The following GRIA1 variants were observed in gnomAD, a reference collection of about 807,000 sequenced individuals.
The protein encoded by GRIA1 is glutamate ionotropic receptor AMPA type subunit 1.
Under a neutral mutation model 99.2 loss-of-function variants are expected in GRIA1, and 31 were observed. That is an observed-to-expected ratio of 0.31 (90% CI 0.23 to 0.42). The LOEUF (loss-of-function observed/expected upper bound fraction) is 0.42, where lower values mean the gene tolerates loss of function less well. Ranked by LOEUF, GRIA1 falls within the 10% of genes least tolerant of loss-of-function variation. The probability of loss-of-function intolerance (pLI) is 1.00; values close to 1 mark genes in which losing one functional copy is unlikely to be tolerated. For missense variants in GRIA1, 782 were observed against 1,157.5 expected (o/e 0.68, Z 4.71); for synonymous variants, 438 against 432.4 (o/e 1.01, Z -0.16).
chr5:153,750,893 C>T (rs141433690), intron 11 of GRIA1, among the ~76,000 whole-genome samples: 71 of 152,098 alleles, frequency 4.7e-4, no homozygotes, highest in Non-Finnish European at 8.7e-4. Flanking sequence ...GTCAGGAGAT[C>T]GAGACCATCC....
chr5:153,811,261 G>A lies in GRIA1; in HGVS notation c.*36G>A, dbSNP rs764830425. ...TGGAGACCCCTTGGGGAGCAGGCTC[G>A]GGCTCCCCAGCCCCATCCCAAACCC... On this transcript the variant is annotated 3_prime_UTR_variant, in exon 16 of 16. Coordinates refer to ENST00000285900, the MANE Select transcript of GRIA1 (RefSeq NM_000827.4). 3 of 1,519,946 alleles carry A rather than the reference G, an allele frequency of 2.0e-6. No homozygotes were observed. The highest frequency in any genetic ancestry group is 2.7e-5 in the African/African-American group (2 of 72,998). 94.2% of individuals were successfully genotyped at this position (1,519,946 alleles called of 1,614,324 possible).
chr5:153,555,607 G>T (rs913390595), intron 2 of GRIA1, among the ~76,000 whole-genome samples: 2 of 152,144 alleles, frequency 1.3e-5, no homozygotes, highest in African/African-American at 4.8e-5. Context: ...CCTCATGGAA[G>T]AAGGCAGCTG....
At chr5:153,684,291 A>T (rs1757193500) in intron 7 of GRIA1, among the ~76,000 whole-genome samples, 1 of 152,222 alleles carries the variant, frequency 6.6e-6, no homozygotes, top group African/African-American at 2.4e-5. Context: ...ATCACCATTA[A>T]CAACAATAAT....
chr5:153,744,282 T>C (rs1172987287), intron 11 of GRIA1, among the ~76,000 whole-genome samples: 1 of 152,218 alleles, frequency 6.6e-6, no homozygotes, highest in Non-Finnish European at 1.5e-5. Flanking sequence ...CATTAGTCTT[T>C]TATAATACTT....
At chr5:153,778,083 G>A (rs1014266270) in intron 13 of GRIA1, among the ~76,000 whole-genome samples, 5 of 152,066 alleles carry the variant, frequency 3.3e-5, no homozygotes, top group African/African-American at 9.7e-5. Context: ...AGGAAATGGG[G>A]GGATAAAAGG....
intron 2 of GRIA1, among the ~76,000 whole-genome samples, chr5:153,628,697 T>G (rs1018577637): frequency 6.6e-6 from 1 of 152,230 alleles, no homozygotes; most frequent in African/African-American, 2.4e-5. Context: ...CTTTGCCTAT[T>G]CTTGGATCAT....
At chr5:153,555,830 C>T (rs528470266) in intron 2 of GRIA1, among the ~76,000 whole-genome samples, 18 of 152,268 alleles carry the variant, frequency 1.2e-4, no homozygotes, top group Non-Finnish European at 2.1e-4. Context: ...TTTGATCCAA[C>T]GGGAAAGAAG....
At chr5:153,724,365 T>C (rs1243859350) in intron 11 of GRIA1, among the ~76,000 whole-genome samples, 2 of 152,078 alleles carry the variant, frequency 1.3e-5, no homozygotes, top group African/African-American at 4.8e-5. Context: ...GGAACGCAGT[T>C]CCTCACCAGC....
intron 2 of GRIA1, among the ~76,000 whole-genome samples, chr5:153,606,667 TA>T (rs1765464965): frequency 6.6e-6 from 1 of 152,038 alleles, no homozygotes; most frequent in Non-Finnish European, 1.5e-5. Flanking sequence ...GTTCTTAAAA[TA>T]TTATGTCATA....
intron 11 of GRIA1, among the ~76,000 whole-genome samples, chr5:153,737,290 T>TAAAAAA (rs35443126): frequency 1.4e-5 from 1 of 74,056 alleles, no homozygotes; most frequent in African/African-American, 4.9e-5. Flanking sequence ...GCAACCCCGG[T>TAAAAAA]AAAAAAAAAA....
At chr5:153,719,198 C>T (rs1759875585) in intron 11 of GRIA1, among the ~76,000 whole-genome samples, 5 of 152,156 alleles carry the variant, frequency 3.3e-5, no homozygotes, top group African/African-American at 1.2e-4. Flanking sequence ...GGAGTTAGGC[C>T]TGGGCTTAGT....
At chr5:153,620,834 G>A (rs974662539) in intron 2 of GRIA1, among the ~76,000 whole-genome samples, 2 of 152,154 alleles carry the variant, frequency 1.3e-5, no homozygotes, top group Non-Finnish European at 2.9e-5. Context: ...TTGCCTTCTG[G>A]AAGTTGTAGT....
intron 11 of GRIA1, among the ~76,000 whole-genome samples, chr5:153,712,708 C>A (rs2149529519): frequency 6.6e-6 from 1 of 152,290 alleles, no homozygotes; most frequent in South Asian, 2.1e-4. Context: ...GTCATTTAGG[C>A]CACAGGTTCA....
At chr5:153,792,592 C>T (rs1026260868) in intron 13 of GRIA1, among the ~76,000 whole-genome samples, 5 of 152,202 alleles carry the variant, frequency 3.3e-5, no homozygotes, top group Admixed American at 2.6e-4. Flanking sequence ...AAAACATAGG[C>T]AGTGGCTATC....
Position 153,682,159 on chromosome 5 carries a change from G to A in GRIA1, c.1030-4066G>A, listed in dbSNP as rs189369286. ...GGAAAGTGAAGCTTAGGAGGGTTCT[G>A]AGATTTGCTCTGGCCAGAGTACCTA... On this transcript the variant is annotated intron_variant, in intron 7 of 15. Transcript: ENST00000285900. 4.6e-5 allele frequency among the ~76,000 whole-genome samples: 7 copies of A among 152,258 alleles called. No individual in the cohort carries two copies. The East Asian group carries it at 1.4e-3, about 29-fold the overall frequency.
intron 2 of GRIA1, among the ~76,000 whole-genome samples, chr5:153,514,450 C>A (rs1205310293): frequency 6.6e-6 from 1 of 152,192 alleles, no homozygotes; most frequent in Non-Finnish European, 1.5e-5. Flanking sequence ...AGAGACTATC[C>A]TTTTCCCCTT....
At chr5:153,607,457 A>G (rs1765556854) in intron 2 of GRIA1, among the ~76,000 whole-genome samples, 1 of 151,744 alleles carries the variant, frequency 6.6e-6, no homozygotes, top group South Asian at 2.1e-4. Flanking sequence ...CTTTTCTAAT[A>G]TATGCATTTG....
intron 7 of GRIA1, among the ~76,000 whole-genome samples, chr5:153,678,836 G>C (rs530961641): frequency 1.5e-4 from 23 of 152,346 alleles, no homozygotes; most frequent in African/African-American, 5.3e-4. Context: ...TCCACGTCCA[G>C]CTGGGCCCCT....
intron 2 of GRIA1, among the ~76,000 whole-genome samples, chr5:153,566,281 G>T: frequency 1.2e-5 from 1 of 81,896 alleles, no homozygotes; most frequent in Non-Finnish European, 3.0e-5. Flanking sequence ...CTTCTTTGGA[G>T]AAATAGCTCT....
Sources: allele counts gnomAD v4.1 joint callset (sites outside exome capture counted in the v4.1 genomes callset), GRCh38; gene constraint gnomAD v4.1.1; transcripts MANE v1.5; gene names NCBI Gene and HGNC (gene_info 2026-07-23, HGNC 2026-07-21).